Variants in NEGR1 observed in about 807,000 individuals in gnomAD.
NEGR1 encodes neuronal growth regulator 1.
NEGR1 carries 10 observed loss-of-function variants against 40.9 expected under a neutral mutation model. The ratio of observed to expected loss-of-function variants is 0.24; its 90% CI spans 0.15 to 0.42. NEGR1 has a LOEUF of 0.42. Ranked by LOEUF, NEGR1 falls within the 10% of genes least tolerant of loss-of-function variation. NEGR1 has a pLI of 1.00. For synonymous variants in NEGR1, 185 were observed against 166.8 expected, an observed-to-expected ratio of 1.11 and a Z score of -0.84; for missense variants, 352 against 438.9, an observed-to-expected ratio of 0.80 and a Z score of 1.77.
At chr1:72,110,776 A>C (rs1649331603) in intron 1 of NEGR1, among the ~76,000 whole-genome samples, 1 of 151,480 alleles carries the variant, frequency 6.6e-6, no homozygotes, top group Admixed American at 6.6e-5. Context: ...ACGACTTTTT[A>C]CCCAATTTTC....
intron 1 of NEGR1, among the ~76,000 whole-genome samples, chr1:72,039,379 C>T (rs918959084): frequency 2.0e-5 from 3 of 151,840 alleles, no homozygotes; most frequent in African/African-American, 7.2e-5. Flanking sequence ...TGTGGAGATG[C>T]CACTAAAGAA....
At chr1:71,581,594 G>T (rs1201665291) in intron 6 of NEGR1, among the ~76,000 whole-genome samples, 1 of 152,000 alleles carries the variant, frequency 6.6e-6, no homozygotes, top group African/African-American at 2.4e-5. Context: ...ACATGATTCT[G>T]CCAAAAATCA....
chr1:71,697,986 G>A, intron 4 of NEGR1, 22 bp downstream of exon 4: 1 of 1,602,140 alleles, frequency 6.2e-7, no homozygotes, highest in South Asian at 1.1e-5. Flanking sequence ...AACTTATCTT[G>A]ATAAAAGGTG....
chr1:72,143,741 A>G (rs943184405), intron 1 of NEGR1, among the ~76,000 whole-genome samples: 1 of 149,890 alleles, frequency 6.7e-6, no homozygotes, highest in African/African-American at 2.4e-5. Flanking sequence ...TATTAAATAG[A>G]AAAATTTTGA....
intron 6 of NEGR1, chr1:71,468,693 T>A (rs1308964088): frequency 1.3e-5 from 2 of 152,024 alleles, no homozygotes; most frequent in African/African-American, 4.8e-5. Context: ...TAATAAAGCA[T>A]GTTACTGAAG....
rs188100579 is a variant in NEGR1 at position 72,227,020 on chromosome 1, T to C, written c.176+55299A>G. Among the ~76,000 whole-genome samples, 41 of 152,228 alleles carry C rather than the reference T, an allele frequency of 2.7e-4. No individual in the cohort carries two copies. The East Asian group carries it at 4.1e-3, about 15-fold the overall frequency. On this transcript the variant is annotated intron_variant, in intron 1 of 6. Coordinates refer to ENST00000357731, the MANE Select transcript of NEGR1 (RefSeq NM_173808.3). ...AAACATTTAATCATCAAATACTATGTTTAAATAATGAATTTAAGAATATCC... is the reference window on the plus strand; with the variant it reads ...AAACATTTAATCATCAAATACTATGCTTAAATAATGAATTTAAGAATATCC...
At chr1:71,998,328 T>A (rs780052567) in intron 1 of NEGR1, among the ~76,000 whole-genome samples, 1 of 152,012 alleles carries the variant, frequency 6.6e-6, no homozygotes, top group Non-Finnish European at 1.5e-5. Context: ...TTCCTCCCTA[T>A]ATTTCAGGCA....
chr1:72,195,292 A>T (rs1029954652), intron 1 of NEGR1, among the ~76,000 whole-genome samples: 2 of 152,010 alleles, frequency 1.3e-5, no homozygotes, highest in Non-Finnish European at 2.9e-5. Flanking sequence ...AGGTTTTACC[A>T]CTCATGACTC....
intron 6 of NEGR1, among the ~76,000 whole-genome samples, chr1:71,502,180 A>G (rs1207193845): frequency 6.6e-6 from 1 of 152,232 alleles, no homozygotes; most frequent in Non-Finnish European, 1.5e-5. Flanking sequence ...AGGTCACGAA[A>G]AGGGAACAGA....
intron 2 of NEGR1, among the ~76,000 whole-genome samples, chr1:71,779,703 G>T (rs150893149): frequency 6.6e-6 from 1 of 152,010 alleles, no homozygotes; most frequent in African/African-American, 2.4e-5. Context: ...GAGTAGCTGG[G>T]ATTACAGGCG....
chr1:72,005,920 A>G (rs2100391142), intron 1 of NEGR1, among the ~76,000 whole-genome samples: 1 of 152,254 alleles, frequency 6.6e-6, no homozygotes, highest in Admixed American at 6.5e-5. Context: ...TATACTTTTC[A>G]TCTGGCCAAC....
At chr1:72,186,729 T>C (rs578109900) in intron 1 of NEGR1, among the ~76,000 whole-genome samples, 88 of 151,818 alleles carry the variant, frequency 5.8e-4, no homozygotes, top group Non-Finnish European at 9.7e-4. Flanking sequence ...TTGCGTTCTG[T>C]GTTAAGAATC....
chr1:71,631,826 C>G lies in NEGR1; in HGVS notation c.668-20680G>C, dbSNP rs57540806. 4.0e-3 allele frequency among the ~76,000 whole-genome samples: 608 copies of G among 151,712 alleles called. 6 individuals are homozygous for G. Among genetic ancestry groups the G allele is most frequent in the African/African-American group, 0.014 (581 of 41,446 alleles). On this transcript the variant is annotated intron_variant, in intron 4 of 6. Coordinates refer to ENST00000357731, the MANE Select transcript of NEGR1 (RefSeq NM_173808.3). The stretch of plus-strand genomic sequence containing the variant: ...GAGGATATGAAAGACAAAGATCATA[C>G]AAGAATTAACAAGAAAGATTTTTTT...
intron 1 of NEGR1, among the ~76,000 whole-genome samples, chr1:72,147,874 C>G (rs990873596): frequency 2.6e-5 from 4 of 152,154 alleles, no homozygotes; most frequent in Non-Finnish European, 5.9e-5. Context: ...GACTCCAGGT[C>G]TCACATCCAG....
At chr1:71,753,471 C>T (rs1329492725) in intron 3 of NEGR1, among the ~76,000 whole-genome samples, 1 of 152,144 alleles carries the variant, frequency 6.6e-6, no homozygotes, top group Non-Finnish European at 1.5e-5. Context: ...TGTAATATAT[C>T]TCAGGAGTCT....
chr1:71,761,226 G>T (rs551656386), intron 3 of NEGR1, among the ~76,000 whole-genome samples: 1 of 152,140 alleles, frequency 6.6e-6, no homozygotes, highest in Non-Finnish European at 1.5e-5. Context: ...CTTAGGCTTT[G>T]CTGTCCATAT....
At chr1:72,028,967 G>T (rs1001804911) in intron 1 of NEGR1, among the ~76,000 whole-genome samples, 1 of 152,086 alleles carries the variant, frequency 6.6e-6, no homozygotes, top group Non-Finnish European at 1.5e-5. Context: ...TTGAGCACTT[G>T]TAAAAATGAA....
Position 72,213,051 on chromosome 1 carries a change from G to A in NEGR1, c.176+69268C>T, listed in dbSNP as rs569028972. On this transcript the variant is annotated intron_variant, in intron 1 of 6. Transcript: ENST00000357731. ...GAGGGTATTTGACATGAAAGGCATA[G>A]TTAAAGGCATGAAAATAAGCATAAA... Among the ~76,000 whole-genome samples the A allele has an allele frequency of 2.9e-4, 44 of 151,808 alleles. No individual in the cohort carries two copies. In the South Asian group the frequency reaches 9.1e-3, roughly 32 times the overall value.
intron 6 of NEGR1, among the ~76,000 whole-genome samples, chr1:71,569,923 C>G (rs1648755338): frequency 6.6e-6 from 1 of 152,110 alleles, no homozygotes; most frequent in Non-Finnish European, 1.5e-5. Context: ...CACTGGGTTT[C>G]TTTTTCAGTG....
Sources: allele counts gnomAD v4.1 joint callset (sites outside exome capture counted in the v4.1 genomes callset), GRCh38; gene constraint gnomAD v4.1.1; transcripts MANE v1.5; gene names NCBI Gene and HGNC (gene_info 2026-07-23, HGNC 2026-07-21).